Variants in CSGALNACT1 observed in about 807,000 individuals in gnomAD.
CSGALNACT1 encodes the protein chondroitin sulfate N-acetylgalactosaminyltransferase 1, also known as beta4GalNAcT-1.
In CSGALNACT1, 52 loss-of-function variants were observed where a neutral mutation model predicts 51.0. That is an observed-to-expected ratio of 1.02 (90% CI 0.82 to 1.29). The LOEUF (loss-of-function observed/expected upper bound fraction) is 1.29, where lower values mean the gene tolerates loss of function less well. Ranked by LOEUF, CSGALNACT1 falls within the 50% of genes most tolerant of loss-of-function variation. CSGALNACT1 has a pLI of 0.00. For missense variants in CSGALNACT1, 935 were observed against 679.2 expected, an observed-to-expected ratio of 1.38 and a Z score of -4.19; for synonymous variants, 341 against 254.4, an observed-to-expected ratio of 1.34 and a Z score of -3.24.
chr8:19,463,009 C>G (rs1034259809), intron 4 of CSGALNACT1, among the ~76,000 whole-genome samples: 1 of 152,176 alleles, frequency 6.6e-6, no homozygotes, highest in Non-Finnish European at 1.5e-5. Context: ...CAGTGTCTAA[C>G]GTTCCCTTCA....
rs76560634 is a variant in CSGALNACT1, at chr8:19,720,393, T to G, written c.-297+37457A>C. ...AGCCTGATGGACCATGACAAGCACA[T>G]AAGCCATAGCTGGGGTGCTCAAAAG... On this transcript the variant is annotated intron_variant, in intron 1 of 1. Coordinates refer to the CSGALNACT1 transcript ENST00000517494. Among the ~76,000 whole-genome samples, 1,091 of 152,264 alleles carry G rather than the reference T, an allele frequency of 7.2e-3. 10 individuals carry two copies. The highest frequency in any genetic ancestry group is 0.024 in the Middle Eastern group (7 of 294).
At chr8:19,468,942 A>G (rs1216901250) in intron 4 of CSGALNACT1, among the ~76,000 whole-genome samples, 2 of 152,202 alleles carry the variant, frequency 1.3e-5, no homozygotes, top group Non-Finnish European at 2.9e-5. Flanking sequence ...CTTCAGGTGC[A>G]CAGTGCATGG....
intron 1 of CSGALNACT1, among the ~76,000 whole-genome samples, chr8:19,671,043 G>A (rs908258269): frequency 6.6e-6 from 1 of 152,192 alleles, no homozygotes; most frequent in Non-Finnish European, 1.5e-5. Context: ...AAAAAGTGCA[G>A]CCTAGAAAGG....
chr8:19,548,895 T>C (rs1468424714), intron 3 of CSGALNACT1, among the ~76,000 whole-genome samples: 1 of 152,212 alleles, frequency 6.6e-6, no homozygotes, highest in African/African-American at 2.4e-5. Context: ...CACAGCTCAC[T>C]GCAGCTCCCG....
intron 3 of CSGALNACT1, among the ~76,000 whole-genome samples, chr8:19,520,128 A>G (rs1484750704): frequency 6.6e-6 from 1 of 152,230 alleles, no homozygotes; most frequent in African/African-American, 2.4e-5. Flanking sequence ...CCCCACCTAC[A>G]AAAAGATATG....
intron 4 of CSGALNACT1, among the ~76,000 whole-genome samples, chr8:19,503,037 T>C (rs4922045): frequency 0.8 from 121,829 of 152,154 alleles, 48,921 homozygotes; most frequent in Admixed American, 0.86. Context: ...TTCCTCTGAC[T>C]AGTAGAATCT....
At chr8:19,412,023 G>A (rs945677250) in intron 8 of CSGALNACT1, among the ~76,000 whole-genome samples, 6 of 152,094 alleles carry the variant, frequency 3.9e-5, no homozygotes, top group Non-Finnish European at 8.8e-5. Context: ...AGTAAAGAAG[G>A]GGTTTTGCCA....
intron 3 of CSGALNACT1, among the ~76,000 whole-genome samples, chr8:19,542,047 A>T (rs918246915): frequency 6.6e-6 from 1 of 152,230 alleles, no homozygotes; most frequent in African/African-American, 2.4e-5. Flanking sequence ...ATGATAAAAA[A>T]TATTCTCTAA....
At chr8:19,665,835 G>T (rs2059136668) in intron 1 of CSGALNACT1, among the ~76,000 whole-genome samples, 1 of 152,154 alleles carries the variant, frequency 6.6e-6, no homozygotes, top group Non-Finnish European at 1.5e-5. Context: ...TACGTAAACA[G>T]AACACATTCT....
intron 1 of CSGALNACT1, among the ~76,000 whole-genome samples, chr8:19,626,160 G>A (rs2054426161): frequency 6.6e-6 from 1 of 152,162 alleles, no homozygotes; most frequent in Non-Finnish European, 1.5e-5. Context: ...ACAATACCCA[G>A]TTTTAAGACT....
At position 19,673,094 on chromosome 8, in the gene CSGALNACT1, C is replaced by T. The variant is rs185753625; in HGVS notation, c.-544+9379G>A. ...TAGCCTTAGAACAAGGGGCAAATGT[C>T]GTCTTACACACACCAGCAGTGAGAA... On this transcript the variant is annotated intron_variant, in intron 1 of 9. Transcript: ENST00000332246. 3.9e-5 allele frequency among the ~76,000 whole-genome samples: 6 copies of T among 152,320 alleles called. No individual in the cohort carries two copies. In the East Asian group the frequency reaches 5.8e-4, roughly 15 times the overall value.
At chr8:19,450,724 C>T (rs1190316130) in intron 5 of CSGALNACT1, among the ~76,000 whole-genome samples, 4 of 151,982 alleles carry the variant, frequency 2.6e-5, no homozygotes, top group Non-Finnish European at 5.9e-5. Context: ...TGAAACCAGC[C>T]TGGGCAACAG....
chr8:19,469,832 G>A (rs1478106165), intron 4 of CSGALNACT1, among the ~76,000 whole-genome samples: 1 of 152,078 alleles, frequency 6.6e-6, no homozygotes, highest in Non-Finnish European at 1.5e-5. Flanking sequence ...GCTTATCTAT[G>A]CGTTACTCTT....
intron 1 of CSGALNACT1, among the ~76,000 whole-genome samples, chr8:19,690,504 CAG>C (rs1310194110): frequency 1.3e-5 from 2 of 152,266 alleles, no homozygotes; most frequent in African/African-American, 4.8e-5. Flanking sequence ...TCTCCTAACT[CAG>C]AGTTTGACTA....
chr8:19,594,003 A>T (rs1444434162), intron 2 of CSGALNACT1, among the ~76,000 whole-genome samples: 1 of 152,172 alleles, frequency 6.6e-6, no homozygotes, highest in Non-Finnish European at 1.5e-5. Flanking sequence ...AGCTGGGGAC[A>T]TCATGAATTG....
chr8:19,669,478 G>A (rs1420598877), intron 1 of CSGALNACT1, among the ~76,000 whole-genome samples: 1 of 152,168 alleles, frequency 6.6e-6, no homozygotes. Context: ...TGGAGATGGA[G>A]TCTCCCTCTG....
chr8:19,440,869 G>C (rs916136663), intron 5 of CSGALNACT1, among the ~76,000 whole-genome samples: 2 of 152,122 alleles, frequency 1.3e-5, no homozygotes, highest in African/African-American at 4.8e-5. Context: ...CTTCAGCAAA[G>C]TCTCAGGATA....
At chr8:19,465,359 G>C (rs193051489) in intron 4 of CSGALNACT1, among the ~76,000 whole-genome samples, 5 of 152,322 alleles carry the variant, frequency 3.3e-5, no homozygotes. Flanking sequence ...GGACTGGGGA[G>C]TGAGTGTCTA....
At chr8:19,668,679 C>A (rs1356097698) in intron 1 of CSGALNACT1, among the ~76,000 whole-genome samples, 2 of 152,122 alleles carry the variant, frequency 1.3e-5, no homozygotes, top group African/African-American at 4.8e-5. Context: ...CTCAGCCTCC[C>A]AAGTAGCTGG....
Sources: allele counts gnomAD v4.1 joint callset (sites outside exome capture counted in the v4.1 genomes callset), GRCh38; gene constraint gnomAD v4.1.1; transcripts MANE v1.5; gene names NCBI Gene and HGNC (gene_info 2026-07-23, HGNC 2026-07-21).